Variants in KCTD1 observed in about 807,000 individuals in gnomAD.
KCTD1 encodes potassium channel tetramerization domain containing 1, also known as BTB/POZ domain-containing protein KCTD1.
In KCTD1, 24 loss-of-function variants were observed where a neutral mutation model predicts 66.0. The observed-to-expected ratio is 0.36, with a 90% CI of 0.26 to 0.51. KCTD1 has a LOEUF of 0.51. KCTD1 is among the 20% of genes least tolerant of loss of function. KCTD1 has a pLI of 0.95. For synonymous variants in KCTD1, 511 were observed against 517.2 expected (o/e 0.99, Z 0.16); for missense variants, 943 against 1,205.2 (o/e 0.78, Z 3.22).
intron 2 of KCTD1, among the ~76,000 whole-genome samples, chr18:26,498,336 C>A (rs553547547): frequency 6.6e-6 from 1 of 151,684 alleles, no homozygotes; most frequent in Non-Finnish European, 1.5e-5. Flanking sequence ...AAGAGACACT[C>A]GCTTTTTTAT....
intron 1 of KCTD1, among the ~76,000 whole-genome samples, chr18:26,568,037 T>G (rs904949230): frequency 3.3e-5 from 5 of 152,184 alleles, no homozygotes; most frequent in Admixed American, 3.3e-4. Context: ...ATTTTAGATC[T>G]TTTTCTTCTC....
At chr18:26,569,576 G>A (rs533767712) in intron 1 of KCTD1, among the ~76,000 whole-genome samples, 1 of 152,214 alleles carries the variant, frequency 6.6e-6, no homozygotes, top group African/African-American at 2.4e-5. Flanking sequence ...TCAGGCAGGT[G>A]GGGGGTGGGG....
chr18:26,643,910 T>A (rs571235405), upstream of KCTD1, among the ~76,000 whole-genome samples: 1 of 151,684 alleles, frequency 6.6e-6, no homozygotes, highest in Non-Finnish European at 1.5e-5. Flanking sequence ...TGCAGTGAGC[T>A]GAGATAGCAC....
intron 2 of KCTD1, among the ~76,000 whole-genome samples, chr18:26,488,373 TA>T (rs1251535897): frequency 1.3e-5 from 2 of 152,206 alleles, no homozygotes; most frequent in Non-Finnish European, 2.9e-5. Context: ...GGGATATACT[TA>T]AAAGAGCATT....
At chr18:26,636,996 G>A (rs981556362) in intron 1 of KCTD1, among the ~76,000 whole-genome samples, 13 of 152,194 alleles carry the variant, frequency 8.5e-5, no homozygotes, top group Admixed American at 2.6e-4. Flanking sequence ...GCGGTGAAGC[G>A]GGGATTCCTC....
chr18:26,455,190 T>C lies in KCTD1; in HGVS notation c.*553A>G, dbSNP rs936766344. On this transcript the variant is annotated 3_prime_UTR_variant, in exon 5 of 5. Coordinates refer to ENST00000580059, the MANE Select transcript of KCTD1 (RefSeq NM_001142730.3). ...TACATTTAAAATTTCATGTCTAACA[T>C]CTTTGCAATGTGCTCATGAGGGTTT... The C allele has an allele frequency of 6.5e-6, 1 of 152,688 alleles. No homozygotes were observed. Among genetic ancestry groups the C allele is most frequent in the Admixed American group, 6.5e-5 (1 of 15,286 alleles). 9.5% of individuals were successfully genotyped at this position (152,688 alleles called of 1,614,324 possible). A position where few individuals can be genotyped will look rare whatever the true frequency, so the allele number is the denominator to read the frequency against.
At chr18:26,512,396 C>A (rs913135640) in intron 1 of KCTD1, among the ~76,000 whole-genome samples, 1 of 151,640 alleles carries the variant, frequency 6.6e-6, no homozygotes, top group Non-Finnish European at 1.5e-5. Context: ...AGCCACCGCA[C>A]CTGGCCTCCT....
intron 2 of KCTD1, among the ~76,000 whole-genome samples, chr18:26,481,877 TCC>T (rs1350935737): frequency 6.6e-6 from 1 of 152,050 alleles, no homozygotes; most frequent in African/African-American, 2.4e-5. Context: ...AAAAAAACTC[TCC>T]AAGTCTCAAC....
At chr18:26,463,640 G>A (rs1227516088) in intron 3 of KCTD1, among the ~76,000 whole-genome samples, 1 of 151,958 alleles carries the variant, frequency 6.6e-6, no homozygotes, top group Admixed American at 6.5e-5. Context: ...GGGTTCAAGC[G>A]ATTCTCCATC....
At chr18:26,482,897 C>T (rs562290653) in intron 2 of KCTD1, among the ~76,000 whole-genome samples, 2 of 152,236 alleles carry the variant, frequency 1.3e-5, no homozygotes, top group South Asian at 4.2e-4. Flanking sequence ...ATGAGGATGG[C>T]GAGAAAAGGG....
Position 26,465,381 on chromosome 18 carries a change from G to C in KCTD1, c.2134-5456C>G, listed in dbSNP as rs530243745. ...TTACAGGTGTCAGCCACCGTGCCCGGCCCATTCTTTCTTTTCTTCAAAGCC... is the reference window on the plus strand; with the variant it reads ...TTACAGGTGTCAGCCACCGTGCCCGCCCCATTCTTTCTTTTCTTCAAAGCC... On this transcript the variant is annotated intron_variant, in intron 3 of 4. Coordinates refer to ENST00000580059, the MANE Select transcript of KCTD1 (RefSeq NM_001142730.3). Among the ~76,000 whole-genome samples, 23 of 152,282 alleles carry C rather than the reference G, an allele frequency of 1.5e-4. No homozygotes were observed. In the East Asian group the frequency reaches 4.2e-3, roughly 28 times the overall value.
At chr18:26,472,629 A>T (rs1598881275) in intron 3 of KCTD1, among the ~76,000 whole-genome samples, 1 of 152,110 alleles carries the variant, frequency 6.6e-6, no homozygotes, top group South Asian at 2.1e-4. Flanking sequence ...TTCTCTCTAC[A>T]TGAGCTTACT....
intron 1 of KCTD1, among the ~76,000 whole-genome samples, chr18:26,529,351 T>C (rs893594956): frequency 4.6e-5 from 7 of 152,214 alleles, no homozygotes; most frequent in African/African-American, 1.7e-4. Flanking sequence ...CACTTGCACC[T>C]TGAACTCTTC....
chr18:26,552,642 A>C (rs1408356707), upstream of KCTD1, among the ~76,000 whole-genome samples: 1 of 152,242 alleles, frequency 6.6e-6, no homozygotes, highest in East Asian at 1.9e-4. Context: ...TCTCTAGTGG[A>C]ACATGCTTTA....
intron 1 of KCTD1, among the ~76,000 whole-genome samples, chr18:26,646,174 T>C (rs1987923402): frequency 6.6e-6 from 1 of 152,222 alleles, no homozygotes; most frequent in Non-Finnish European, 1.5e-5. Flanking sequence ...AAAATGATAT[T>C]GGATTGACTA....
intron 1 of KCTD1, among the ~76,000 whole-genome samples, chr18:26,593,298 T>G (rs11661753): frequency 0.38 from 39,889 of 104,736 alleles, 5,492 homozygotes; most frequent in Middle Eastern, 0.49. Context: ...GGAGGAGCAA[T>G]ATGAGGAGAA....
chr18:26,610,692 AAGAG>A (rs1987119095), intron 1 of KCTD1, among the ~76,000 whole-genome samples: 1 of 148,748 alleles, frequency 6.7e-6, no homozygotes. Context: ...AAAAGAGAGA[AAGAG>A]AAAGAAAGAA....
intron 1 of KCTD1, among the ~76,000 whole-genome samples, chr18:26,650,929 C>T (rs1988018864): frequency 6.6e-6 from 1 of 152,232 alleles, no homozygotes; most frequent in African/African-American, 2.4e-5. Flanking sequence ...TTCTTAATAG[C>T]AGCGTTGGTG....
intron 2 of KCTD1, among the ~76,000 whole-genome samples, chr18:26,492,056 A>G (rs1982227563): frequency 6.6e-6 from 1 of 152,102 alleles, no homozygotes; most frequent in South Asian, 2.1e-4. Flanking sequence ...AGCCTAGGTA[A>G]CAAAGTGAGA....
Sources: gnomAD v4.1 joint callset for allele counts (sites outside exome capture counted in the v4.1 genomes callset) on GRCh38, gnomAD v4.1.1 for gene constraint, MANE v1.5 for transcripts, NCBI Gene and HGNC (gene_info 2026-07-23, HGNC 2026-07-21) for gene names.